The following BTBD9 variants were observed in gnomAD, a reference collection of about 807,000 sequenced individuals.
The protein encoded by BTBD9 is BTB/POZ domain-containing protein 9.
BTBD9 carries 49 observed loss-of-function variants against 64.3 expected under a neutral mutation model. The observed-to-expected ratio is 0.76, with a 90% CI of 0.61 to 0.97. The LOEUF (loss-of-function observed/expected upper bound fraction) is 0.97, where lower values mean the gene tolerates loss of function less well. BTBD9 is among the 50% of genes least tolerant of loss of function. BTBD9 has a pLI of 0.00. For synonymous variants in BTBD9, 260 were observed against 274.7 expected (o/e 0.95, Z 0.53); for missense variants, 598 against 762.1 (o/e 0.78, Z 2.53).
At chr6:38,371,674 T>C (rs945756545) in intron 6 of BTBD9, among the ~76,000 whole-genome samples, 9 of 152,172 alleles carry the variant, frequency 5.9e-5, no homozygotes, top group African/African-American at 2.2e-4. Flanking sequence ...ATAATAAATC[T>C]CTCAGCTTCC....
intron 7 of BTBD9, among the ~76,000 whole-genome samples, chr6:38,314,997 C>A (rs1205881921): frequency 6.6e-6 from 1 of 152,088 alleles, no homozygotes. Flanking sequence ...TACAGGCGCC[C>A]GCCACCACAT....
At chr6:38,324,972 G>C (rs1329111132) in intron 7 of BTBD9, among the ~76,000 whole-genome samples, 1 of 152,150 alleles carries the variant, frequency 6.6e-6, no homozygotes, top group Non-Finnish European at 1.5e-5. Context: ...TGAGACTGTT[G>C]CAAGGGTTAA....
At chr6:38,429,406 G>A (rs1201833816) in intron 6 of BTBD9, among the ~76,000 whole-genome samples, 1 of 146,276 alleles carries the variant, frequency 6.8e-6, no homozygotes, top group African/African-American at 2.5e-5. Context: ...AGTGAGCCGA[G>A]ATCGCACCAT....
chr6:38,376,947 C>T (rs1353067596), intron 6 of BTBD9, among the ~76,000 whole-genome samples: 3 of 152,134 alleles, frequency 2.0e-5, no homozygotes, highest in African/African-American at 2.4e-5. Context: ...TATACTTGCC[C>T]TCTCCCTGGC....
chr6:38,308,481 T>C (rs1340478395), intron 7 of BTBD9, among the ~76,000 whole-genome samples: 1 of 152,252 alleles, frequency 6.6e-6, no homozygotes, highest in Non-Finnish European at 1.5e-5. Context: ...TAAGAAGTTT[T>C]AATATAAAGG....
chr6:38,551,112 A>G (rs184834833), intron 6 of BTBD9, among the ~76,000 whole-genome samples: 7 of 147,732 alleles, frequency 4.7e-5, no homozygotes, highest in East Asian at 3.9e-4. Flanking sequence ...CCCCATAAAC[A>G]TCCTCTTCCC....
intron 1 of BTBD9, among the ~76,000 whole-genome samples, chr6:38,621,433 C>T (rs1213159036): frequency 6.6e-6 from 1 of 152,122 alleles, no homozygotes; most frequent in East Asian, 1.9e-4. Context: ...TGACCTTAAC[C>T]TATATACTGA....
intron 9 of BTBD9, among the ~76,000 whole-genome samples, chr6:38,229,140 G>A (rs1328215477): frequency 6.6e-6 from 1 of 151,382 alleles, no homozygotes; most frequent in African/African-American, 2.4e-5. Flanking sequence ...GGAGGTTGCA[G>A]TGAGTGGAGA....
At chr6:38,486,306 G>A (rs1330018685) in intron 6 of BTBD9, among the ~76,000 whole-genome samples, 1 of 152,180 alleles carries the variant, frequency 6.6e-6, no homozygotes, top group African/African-American at 2.4e-5. Flanking sequence ...GGAGTGCTTG[G>A]ACTTTCCTTC....
chr6:38,170,038 G>A lies in BTBD9; in HGVS notation c.*4947C>T, dbSNP rs3749926. On this transcript the variant is annotated 3_prime_UTR_variant, in exon 11 of 11. Coordinates refer to ENST00000481247, the MANE Select transcript of BTBD9 (RefSeq NM_001099272.2). ...GTTGGAGGCTGGGCCAGGGAGCACCGTGACCAGTGGTGGTCACAGAGGACG... is the reference window on the plus strand; with the variant it reads ...GTTGGAGGCTGGGCCAGGGAGCACCATGACCAGTGGTGGTCACAGAGGACG... 15,783 of 152,276 alleles carry A rather than the reference G, an allele frequency of 0.1. 892 individuals carry two copies. The highest frequency in any genetic ancestry group is 0.12 in the Non-Finnish European group (7,903 of 68,062). The allele number at this position is 152,276 out of a possible 1,614,324, so 9.4% of individuals were successfully genotyped here. A position where few individuals can be genotyped will look rare whatever the true frequency, so the allele number is the denominator to read the frequency against.
At position 38,377,143 on chromosome 6, in the gene BTBD9, A is replaced by G. The variant is rs376473120; in HGVS notation, c.1155-32050T>C. ...CAGAAAGTACATGTTTCTCATTCAA[A>G]GTGCTACCAGTCGATTTTGATTTCT... is the stretch of plus-strand genomic sequence containing the variant. On this transcript the variant is annotated intron_variant, in intron 6 of 10. Coordinates refer to ENST00000481247, the MANE Select transcript of BTBD9 (RefSeq NM_001099272.2). Among the ~76,000 whole-genome samples, 9 of 152,344 alleles carry G rather than the reference A, an allele frequency of 5.9e-5. 1 individual carries two copies. The East Asian group carries it at 1.2e-3, about 20-fold the overall frequency.
intron 8 of BTBD9, among the ~76,000 whole-genome samples, chr6:38,277,729 C>A (rs890890179): frequency 4.6e-5 from 7 of 152,032 alleles, no homozygotes; most frequent in African/African-American, 1.7e-4. Context: ...CTAAGGGAAG[C>A]TTTTAAAAAT....
intron 6 of BTBD9, among the ~76,000 whole-genome samples, chr6:38,560,072 T>C (rs573198909): frequency 6.4e-4 from 97 of 152,188 alleles, no homozygotes; most frequent in African/African-American, 2.2e-3. Flanking sequence ...AAAACTGACA[T>C]GTAGGACCTA....
intron 10 of BTBD9, among the ~76,000 whole-genome samples, chr6:38,180,786 C>G (rs1277247547): frequency 6.6e-6 from 1 of 152,240 alleles, no homozygotes; most frequent in Non-Finnish European, 1.5e-5. Flanking sequence ...CACAAAGGGG[C>G]GCCTTCGCTG....
intron 1 of BTBD9, among the ~76,000 whole-genome samples, chr6:38,608,976 C>A (rs1462631457): frequency 3.3e-5 from 5 of 152,120 alleles, no homozygotes; most frequent in Admixed American, 6.6e-5. Context: ...ACAAGTATCT[C>A]CATGCAGTCT....
At chr6:38,334,641 T>TA (rs1562040025) in intron 7 of BTBD9, among the ~76,000 whole-genome samples, 137 of 144,060 alleles carry the variant, frequency 9.5e-4, no homozygotes, top group Admixed American at 5.3e-3. Context: ...ATAAATAAAA[T>TA]AATAAAATAA....
At chr6:38,185,956 T>C (rs1434088239) in intron 10 of BTBD9, among the ~76,000 whole-genome samples, 3 of 152,190 alleles carry the variant, frequency 2.0e-5, no homozygotes, top group Non-Finnish European at 2.9e-5. Context: ...TGGTGTCCCG[T>C]TGGGTACAGG....
intron 6 of BTBD9, among the ~76,000 whole-genome samples, chr6:38,455,301 G>C (rs1203573064): frequency 6.6e-6 from 1 of 152,034 alleles, no homozygotes; most frequent in Non-Finnish European, 1.5e-5. Context: ...CTTAACCCTG[G>C]CAAACACTGA....
intron 1 of BTBD9, among the ~76,000 whole-genome samples, chr6:38,613,659 A>C (rs887812033): frequency 6.6e-6 from 1 of 152,046 alleles, no homozygotes; most frequent in Non-Finnish European, 1.5e-5. Context: ...ATATGGACAC[A>C]TGTATTACTC....
Sources: gnomAD v4.1 joint callset for allele counts (sites outside exome capture counted in the v4.1 genomes callset) on GRCh38, gnomAD v4.1.1 for gene constraint, MANE v1.5 for transcripts, NCBI Gene and HGNC (gene_info 2026-07-23, HGNC 2026-07-21) for gene names.